The following SND1 variants were observed in gnomAD, a reference collection of about 807,000 sequenced individuals.
The protein encoded by SND1 is staphylococcal nuclease domain-containing protein 1.
In SND1, 38 loss-of-function variants were observed where a neutral mutation model predicts 121.7. The observed-to-expected ratio is 0.31, with a 90% CI of 0.24 to 0.41. SND1 has a LOEUF of 0.41. Ranked by LOEUF, SND1 falls within the 10% of genes least tolerant of loss-of-function variation. The probability of loss-of-function intolerance (pLI) is 1.00; values close to 1 mark genes in which losing one functional copy is unlikely to be tolerated. For synonymous variants in SND1, 401 were observed against 447.4 expected (o/e 0.90, Z 1.31); for missense variants, 868 against 1,184.6 (o/e 0.73, Z 3.92).
chr7:127,852,153 CA>C (rs960694826), intron 12 of SND1, among the ~76,000 whole-genome samples: 4 of 149,084 alleles, frequency 2.7e-5, no homozygotes, highest in Non-Finnish European at 5.9e-5. Context: ...GAGCAAGACT[CA>C]GTCTCCAAAA....
intron 11 of SND1, among the ~76,000 whole-genome samples, chr7:127,832,904 G>T (rs1210169931): frequency 6.6e-6 from 1 of 152,152 alleles, no homozygotes; most frequent in Non-Finnish European, 1.5e-5. Flanking sequence ...CACGTGCGAG[G>T]GATCTAGGTC....
intron 4 of SND1, among the ~76,000 whole-genome samples, chr7:127,699,827 T>G (rs1037983724): frequency 2.0e-5 from 3 of 152,156 alleles, no homozygotes; most frequent in African/African-American, 7.2e-5. Flanking sequence ...AGGAAAGGCT[T>G]TAGAGAAACA....
intron 12 of SND1, among the ~76,000 whole-genome samples, chr7:127,850,026 G>T (rs1288407091): frequency 1.3e-5 from 2 of 152,178 alleles, no homozygotes; most frequent in African/African-American, 4.8e-5. Flanking sequence ...GTATGAACCA[G>T]ACTATTAAAT....
intron 10 of SND1, among the ~76,000 whole-genome samples, chr7:127,722,851 G>A (rs1796519954): frequency 6.6e-6 from 1 of 152,116 alleles, no homozygotes; most frequent in Non-Finnish European, 1.5e-5. Flanking sequence ...GCAGCAAACA[G>A]TATTATGGTA....
At chr7:127,731,148 G>A (rs1395839160) in intron 10 of SND1, among the ~76,000 whole-genome samples, 1 of 152,234 alleles carries the variant, frequency 6.6e-6, no homozygotes, top group African/African-American at 2.4e-5. Context: ...CTGGCCTGAG[G>A]CATGGTCGCC....
chr7:127,963,661 C>T (rs1269433619), intron 15 of SND1, among the ~76,000 whole-genome samples: 1 of 42,858 alleles, frequency 2.3e-5, no homozygotes, highest in Non-Finnish European at 4.5e-5. Context: ...CATTGTTGGA[C>T]ATTTGGGTTG....
At chr7:127,681,503 A>C (rs141357148) in intron 1 of SND1, among the ~76,000 whole-genome samples, 31 of 152,190 alleles carry the variant, frequency 2.0e-4, no homozygotes, top group African/African-American at 7.5e-4. Context: ...AGTCCAATTT[A>C]TTTATTTATT....
intron 13 of SND1, among the ~76,000 whole-genome samples, chr7:127,900,049 T>C (rs1800198388): frequency 6.6e-6 from 1 of 152,138 alleles, no homozygotes; most frequent in African/African-American, 2.4e-5. Flanking sequence ...CTGCTTTCTG[T>C]CATTTTATTT....
intron 14 of SND1, among the ~76,000 whole-genome samples, chr7:127,919,640 G>A (rs995652627): frequency 6.6e-6 from 1 of 152,184 alleles, no homozygotes; most frequent in African/African-American, 2.4e-5. Context: ...CATATACCAT[G>A]TGTAAGCTAT....
intron 11 of SND1, among the ~76,000 whole-genome samples, chr7:127,821,368 A>G (rs1333727895): frequency 6.6e-6 from 1 of 152,174 alleles, no homozygotes; most frequent in Non-Finnish European, 1.5e-5. Context: ...GACCTGCTTC[A>G]GAGTATGTTG....
At chr7:128,005,838 C>T (rs1279539359) in intron 16 of SND1, among the ~76,000 whole-genome samples, 3 of 152,154 alleles carry the variant, frequency 2.0e-5, no homozygotes, top group Admixed American at 6.5e-5. Flanking sequence ...AGAGGCAATA[C>T]GGCATCAGCT....
intron 13 of SND1, among the ~76,000 whole-genome samples, chr7:127,893,093 G>A (rs1384337213): frequency 2.0e-5 from 3 of 151,920 alleles, no homozygotes; most frequent in Admixed American, 6.6e-5. Flanking sequence ...ATCCTTCTGC[G>A]GTATTTCCAA....
intron 10 of SND1, among the ~76,000 whole-genome samples, chr7:127,788,136 G>A (rs1271905949): frequency 6.6e-6 from 1 of 152,214 alleles, no homozygotes; most frequent in Non-Finnish European, 1.5e-5. Context: ...GGCATTTAGA[G>A]TTAGAAGGAA....
At chr7:127,794,020 TTTTAAG>T (rs1296191177) in intron 10 of SND1, among the ~76,000 whole-genome samples, 1 of 152,224 alleles carries the variant, frequency 6.6e-6, no homozygotes, top group African/African-American at 2.4e-5. Flanking sequence ...TTCATAGTTC[TTTTAAG>T]TTTATTTGCC....
chr7:127,702,298 GC>G, intron 5 of SND1, 136 bp from the exon 6 acceptor site: 1 of 695,312 alleles, frequency 1.4e-6, no homozygotes, highest in Non-Finnish European at 2.6e-6. Flanking sequence ...ATCTGCAAGT[GC>G]ATCCTTACTT....
intron 3 of SND1, among the ~76,000 whole-genome samples, chr7:127,695,589 T>G (rs771444949): frequency 6.6e-6 from 1 of 152,162 alleles, no homozygotes; most frequent in Non-Finnish European, 1.5e-5. Flanking sequence ...CCCAGCACTT[T>G]GGGAGTGTGA....
At chr7:127,678,380 T>G (rs988241400) in intron 1 of SND1, among the ~76,000 whole-genome samples, 3 of 152,188 alleles carry the variant, frequency 2.0e-5, no homozygotes, top group Non-Finnish European at 4.4e-5. Context: ...ATATGTAAAC[T>G]GCGGCCCGAT....
intron 16 of SND1, among the ~76,000 whole-genome samples, chr7:128,043,174 C>CTTAA: frequency 6.6e-6 from 1 of 152,056 alleles, no homozygotes; most frequent in Non-Finnish European, 1.5e-5. Flanking sequence ...AATCAGGTGC[C>CTTAA]CATCTCAGAG....
At chr7:127,782,897 A>G (rs1473300266) in intron 10 of SND1, among the ~76,000 whole-genome samples, 2 of 152,238 alleles carry the variant, frequency 1.3e-5, no homozygotes, top group Non-Finnish European at 2.9e-5. Context: ...ACAACTGCCC[A>G]GCAAGTGAAG....
Sources: allele counts gnomAD v4.1 joint callset (sites outside exome capture counted in the v4.1 genomes callset), GRCh38; gene constraint gnomAD v4.1.1; transcripts MANE v1.5; gene names NCBI Gene and HGNC (gene_info 2026-07-23, HGNC 2026-07-21).